ECM2: variants seen among roughly 807,000 people sequenced by gnomAD.
ECM2 encodes extracellular matrix protein 2, female organ and adipocyte specific.
ECM2 carries 57 observed loss-of-function variants against 67.5 expected under a neutral mutation model. The observed-to-expected ratio is 0.84, with a 90% CI of 0.68 to 1.05. The LOEUF (loss-of-function observed/expected upper bound fraction) is 1.05, where lower values mean the gene tolerates loss of function less well. ECM2 is among the 50% of genes least tolerant of loss of function. The pLI is 0.00. For missense variants in ECM2, 741 were observed against 822.8 expected, an observed-to-expected ratio of 0.90 and a Z score of 1.22; for synonymous variants, 258 against 294.5, an observed-to-expected ratio of 0.88 and a Z score of 1.27.
At chr9:92,541,365 C>T (rs1404066241), upstream of ECM2, among the ~76,000 whole-genome samples, 2 of 151,828 alleles carry the variant, frequency 1.3e-5, no homozygotes, top group Non-Finnish European at 2.9e-5. Flanking sequence ...CCATCACTAG[C>T]CTCTGGTAAC....
At chr9:92,514,119 G>A (rs915346383) in intron 4 of ECM2, among the ~76,000 whole-genome samples, 7 of 136,242 alleles carry the variant, frequency 5.1e-5, no homozygotes, top group African/African-American at 9.2e-5. Context: ...AATGAGAATC[G>A]TTCACTTTTT....
At chr9:92,558,887 G>A in the ECM2 span, among the ~76,000 whole-genome samples, 1 of 152,052 alleles carries the variant, frequency 6.6e-6, no homozygotes, top group South Asian at 2.1e-4. Context: ...CCTCTGCTGA[G>A]TCATGCAGGT....
At chr9:92,522,188 G>A (rs867913523) in intron 2 of ECM2, among the ~76,000 whole-genome samples, 4 of 152,060 alleles carry the variant, frequency 2.6e-5, no homozygotes, top group Admixed American at 6.5e-5. Context: ...CCAGGTTCAA[G>A]TGATTCTCCT....
chr9:92,495,086 G>A (rs1446222561), downstream of ECM2, among the ~76,000 whole-genome samples: 1 of 152,060 alleles, frequency 6.6e-6, no homozygotes, highest in African/African-American at 2.4e-5. Flanking sequence ...TTCTTTTCTA[G>A]TTCTTATAAT....
At chr9:92,493,839 T>A (rs1019248201), downstream of ECM2, 9 of 290,766 alleles carry the variant, frequency 3.1e-5, no homozygotes, top group African/African-American at 2.0e-4. Flanking sequence ...GTCATTCTGA[T>A]TTTCATTTTT....
At chr9:92,511,426 GTT>G (rs35306473) in intron 5 of ECM2, among the ~76,000 whole-genome samples, 54,280 of 144,542 alleles carry the variant, frequency 0.38, 12,131 homozygotes, top group African/African-American at 0.64. Flanking sequence ...TGCCTGGCCT[GTT>G]TTTTTTTTTT....
chr9:92,514,914 C>G lies in ECM2; in HGVS notation c.771G>C (p.Glu257Asp), dbSNP rs1045850991. The G allele has an allele frequency of 6.2e-7, 1 of 1,613,800 alleles. No individual in the cohort carries two copies. Among genetic ancestry groups the G allele is most frequent in the African/African-American group, 1.3e-5 (1 of 74,882 alleles). ...GGDRKQRPGE[E>D]RRLAHQQQRQ... ...GTTGTTGCTGGTGTGCCAGCCTCCT[C>G]TCCTCTCCAGGCCTCTGCTTTCTGT... The change falls in exon 4 of 10, where the codon GAG (glutamate) becomes GAC (aspartate). Residue 257 changes from glutamate (E) to aspartate (D), a missense_variant. Transcript: ENST00000344604.
chr9:92,539,224 A>C (rs1177843612), upstream of ECM2: 1 of 152,120 alleles, frequency 6.6e-6, no homozygotes, highest in Non-Finnish European at 1.5e-5. Context: ...AAAGCATTAG[A>C]CTGTAAATCT....
At chr9:92,506,482 C>T (rs1322113402) in intron 6 of ECM2, among the ~76,000 whole-genome samples, 1 of 152,132 alleles carries the variant, frequency 6.6e-6, no homozygotes, top group Non-Finnish European at 1.5e-5. Context: ...AATGATAATA[C>T]CCAAAGGCAT....
chr9:92,497,657 A>G (rs1846427351), intron 9 of ECM2, among the ~76,000 whole-genome samples: 1 of 151,790 alleles, frequency 6.6e-6, no homozygotes, highest in Admixed American at 6.6e-5. Context: ...AAAAAAGAAA[A>G]AAAGGGTAGA....
chr9:92,547,034 A>G, the ECM2 span, among the ~76,000 whole-genome samples: 1 of 152,186 alleles, frequency 6.6e-6, no homozygotes, highest in Non-Finnish European at 1.5e-5. Context: ...TAAAATACGT[A>G]TATATTAGCA....
Position 92,500,995 on chromosome 9 carries a change from G to A in ECM2, c.1663C>T (p.Pro555Ser). ...NKLYHVPSYL[P>S]KSLLHLVLLG... ...AGTACTAGGTGCAGCAAGGACTTGG[G>A]TAGATAGGACGGGACGTGATAGAGC... Residue 555 changes from proline (P) to serine (S), a missense_variant, in exon 9 of 10, where the codon CCC (proline) becomes TCC (serine). Coordinates refer to ENST00000344604, the MANE Select transcript of ECM2 (RefSeq NM_001393.4). 1 of 1,614,200 alleles carries A rather than the reference G, an allele frequency of 6.2e-7. No homozygotes were observed. The highest frequency in any genetic ancestry group is 8.5e-7 in the Non-Finnish European group (1 of 1,180,036).
intron 1 of ECM2, among the ~76,000 whole-genome samples, chr9:92,533,321 AAAAAAAAATATAT>A (rs1470005885): frequency 2.3e-4 from 23 of 100,762 alleles, no homozygotes; most frequent in Admixed American, 3.3e-4. Flanking sequence ...AAAAAAAAAA[AAAAAAAAATATAT>A]ATATATATAT....
chr9:92,514,212 T>G (rs1048856472), intron 4 of ECM2, among the ~76,000 whole-genome samples: 6 of 148,966 alleles, frequency 4.0e-5, no homozygotes, highest in Admixed American at 1.3e-4. Flanking sequence ...TTCCCCCACC[T>G]CAGCCTCCTG....
the ECM2 span, among the ~76,000 whole-genome samples, chr9:92,554,928 G>A: frequency 2.0e-5 from 3 of 152,114 alleles, no homozygotes; most frequent in South Asian, 4.1e-4. Context: ...GAGCCACTGC[G>A]CCTGGCCTTC....
chr9:92,546,546 G>A, the ECM2 span, among the ~76,000 whole-genome samples: 1 of 152,158 alleles, frequency 6.6e-6, no homozygotes, highest in Non-Finnish European at 1.5e-5. Context: ...TCAACGCCAA[G>A]GTCTGCAGCT....
chr9:92,553,613 G>A, the ECM2 span, among the ~76,000 whole-genome samples: 2 of 151,998 alleles, frequency 1.3e-5, no homozygotes, highest in Middle Eastern at 3.4e-3. Context: ...CCTTGTAGAG[G>A]TCTTTCGACT....
chr9:92,529,797 C>T (rs72754437), intron 1 of ECM2, among the ~76,000 whole-genome samples: 77 of 152,002 alleles, frequency 5.1e-4, no homozygotes, highest in Non-Finnish European at 8.4e-4. Context: ...GAATTTGGGG[C>T]GGAGAGGGAT....
At chr9:92,558,749 G>C in the ECM2 span, among the ~76,000 whole-genome samples, 1 of 152,104 alleles carries the variant, frequency 6.6e-6, no homozygotes, top group Non-Finnish European at 1.5e-5. Context: ...GATAGGAAAG[G>C]ACCATCAGGT....
Sources: allele counts gnomAD v4.1 joint callset (sites outside exome capture counted in the v4.1 genomes callset), GRCh38; gene constraint gnomAD v4.1.1; transcripts MANE v1.5; gene names NCBI Gene and HGNC (gene_info 2026-07-23, HGNC 2026-07-21).